The following RBFOX3 variants were observed in gnomAD, a reference collection of about 807,000 sequenced individuals.
RBFOX3 encodes RNA binding protein fox-1 homolog 3.
In RBFOX3, 17 loss-of-function variants were observed where a neutral mutation model predicts 48.7. That is an observed-to-expected ratio of 0.35 (90% CI 0.24 to 0.52). RBFOX3 has a LOEUF of 0.52. Ranked by LOEUF, RBFOX3 falls within the 20% of genes least tolerant of loss-of-function variation. RBFOX3 has a pLI of 0.94. For synonymous variants in RBFOX3, 212 were observed against 209.5 expected, an observed-to-expected ratio of 1.01 and a Z score of -0.10; for missense variants, 382 against 497.5, an observed-to-expected ratio of 0.77 and a Z score of 2.21.
chr17:79,169,405 A>C (rs1384380758), intron 4 of RBFOX3, among the ~76,000 whole-genome samples: 1 of 151,858 alleles, frequency 6.6e-6, no homozygotes, highest in Non-Finnish European at 1.5e-5. Flanking sequence ...CTGCTCCTTC[A>C]CCCACTGCGG....
intron 3 of RBFOX3, among the ~76,000 whole-genome samples, chr17:79,253,665 T>C (rs1045509723): frequency 6.6e-6 from 1 of 152,150 alleles, no homozygotes; most frequent in Non-Finnish European, 1.5e-5. Context: ...GAGACATCTC[T>C]GGAATTTCAA....
intron 4 of RBFOX3, among the ~76,000 whole-genome samples, chr17:79,177,980 C>T (rs989019459): frequency 7.9e-5 from 12 of 152,174 alleles, no homozygotes; most frequent in African/African-American, 1.4e-4. Context: ...GTTGGAGGTC[C>T]GAGGCTGCTG....
intron 1 of RBFOX3, among the ~76,000 whole-genome samples, chr17:79,578,310 A>G (rs1398980707): frequency 6.6e-6 from 1 of 152,276 alleles, no homozygotes; most frequent in African/African-American, 2.4e-5. Flanking sequence ...CAAACAGCAC[A>G]TGGTCAATCA....
At chr17:79,522,573 C>T (rs1250723656) in intron 1 of RBFOX3, among the ~76,000 whole-genome samples, 1 of 152,108 alleles carries the variant, frequency 6.6e-6, no homozygotes, top group Non-Finnish European at 1.5e-5. Flanking sequence ...ACCCGACACA[C>T]ACACCACCTC....
chr17:79,326,156 A>T (rs564820692), intron 2 of RBFOX3, among the ~76,000 whole-genome samples: 11 of 152,154 alleles, frequency 7.2e-5, no homozygotes, highest in Non-Finnish European at 1.0e-4. Flanking sequence ...CATTGGGGGT[A>T]AGGGCATCAG....
rs566079853 is a variant in RBFOX3, at chr17:79,422,333, C to T, written c.-175+60121G>A. Among the ~76,000 whole-genome samples the T allele has an allele frequency of 1.6e-4, 25 of 152,136 alleles. No homozygotes were observed. In the South Asian group the frequency reaches 4.6e-3, roughly 28 times the overall value. ...AACTGTGACCAAGATGCCCAACCCC[C>T]CTCCCCACACATTCAACCCCTCCCT... is the stretch of plus-strand genomic sequence containing the variant. On this transcript the variant is annotated intron_variant, in intron 2 of 14. Transcript: ENST00000693108.
At chr17:79,365,838 C>A (rs893976584) in intron 2 of RBFOX3, among the ~76,000 whole-genome samples, 5 of 152,240 alleles carry the variant, frequency 3.3e-5, no homozygotes, top group South Asian at 2.1e-4. Flanking sequence ...GTGTCTGCTG[C>A]CCGAGAGGGA....
At chr17:79,457,653 C>T (rs189505505) in intron 2 of RBFOX3, among the ~76,000 whole-genome samples, 1 of 152,294 alleles carries the variant, frequency 6.6e-6, no homozygotes, top group African/African-American at 2.4e-5. Context: ...GTCTCTGCTC[C>T]CAAAGAGATG....
At chr17:79,352,606 T>C (rs1415708581) in intron 2 of RBFOX3, among the ~76,000 whole-genome samples, 1 of 152,218 alleles carries the variant, frequency 6.6e-6, no homozygotes, top group Non-Finnish European at 1.5e-5. Flanking sequence ...CTCTTAAATG[T>C]TCCCTCTGGA....
At chr17:79,566,304 G>A (rs2092451328) in intron 1 of RBFOX3, among the ~76,000 whole-genome samples, 1 of 152,210 alleles carries the variant, frequency 6.6e-6, no homozygotes, top group African/African-American at 2.4e-5. Context: ...AGCCTCACCA[G>A]GCTGGGCCTG....
At chr17:79,231,043 C>G (rs376233830) in intron 4 of RBFOX3, among the ~76,000 whole-genome samples, 1 of 152,040 alleles carries the variant, frequency 6.6e-6, no homozygotes, top group Non-Finnish European at 1.5e-5. Flanking sequence ...GCTGCACAGT[C>G]GTCCCAGCTG....
At chr17:79,629,835 C>A in the RBFOX3 span, among the ~76,000 whole-genome samples, 1 of 152,082 alleles carries the variant, frequency 6.6e-6, no homozygotes, top group Non-Finnish European at 1.5e-5. Context: ...AATGCCATTG[C>A]AAAGTGTTTA....
At chr17:79,576,276 T>C (rs1193664501) in intron 1 of RBFOX3, among the ~76,000 whole-genome samples, 4 of 152,096 alleles carry the variant, frequency 2.6e-5, no homozygotes, top group Non-Finnish European at 5.9e-5. Flanking sequence ...AATAAATCTC[T>C]TGATAGATGG....
At chr17:79,493,392 C>T (rs933589580) in intron 1 of RBFOX3, among the ~76,000 whole-genome samples, 1 of 152,140 alleles carries the variant, frequency 6.6e-6, no homozygotes, top group South Asian at 2.1e-4. Context: ...AGAAGGAGAG[C>T]GTCAGATGCT....
At chr17:79,113,122 G>C (rs1251514337) in intron 5 of RBFOX3, among the ~76,000 whole-genome samples, 1 of 152,090 alleles carries the variant, frequency 6.6e-6, no homozygotes, top group Non-Finnish European at 1.5e-5. Context: ...GGGGAGGCTC[G>C]AGTGAGCTGA....
chr17:79,308,877 G>A (rs2076439791), intron 2 of RBFOX3, among the ~76,000 whole-genome samples: 1 of 152,050 alleles, frequency 6.6e-6, no homozygotes, highest in Non-Finnish European at 1.5e-5. Context: ...CCAGCACTTT[G>A]GGAAGCCGAG....
chr17:79,446,477 A>G (rs1369857620), intron 2 of RBFOX3, among the ~76,000 whole-genome samples: 1 of 152,192 alleles, frequency 6.6e-6, no homozygotes, highest in African/African-American at 2.4e-5. Flanking sequence ...CTCAGACATC[A>G]GACCAAACTG....
At chr17:79,382,348 G>C (rs2060028521) in intron 2 of RBFOX3, among the ~76,000 whole-genome samples, 1 of 152,244 alleles carries the variant, frequency 6.6e-6, no homozygotes, top group African/African-American at 2.4e-5. Flanking sequence ...ACTCCAGGTT[G>C]GGGGCTAAGC....
At chr17:79,157,149 T>C (rs2045989816) in intron 4 of RBFOX3, among the ~76,000 whole-genome samples, 1 of 152,190 alleles carries the variant, frequency 6.6e-6, no homozygotes, top group South Asian at 2.1e-4. Flanking sequence ...GACACCTCCC[T>C]GCTCTCTCCT....
Sources: gnomAD v4.1 joint callset for allele counts (sites outside exome capture counted in the v4.1 genomes callset) on GRCh38, gnomAD v4.1.1 for gene constraint, MANE v1.5 for transcripts, NCBI Gene and HGNC (gene_info 2026-07-23, HGNC 2026-07-21) for gene names.